ZCCHC14: variants seen among roughly 807,000 people sequenced by gnomAD.
ZCCHC14 encodes the protein zinc finger CCHC domain-containing protein 14.
ZCCHC14 carries 16 observed loss-of-function variants against 85.0 expected under a neutral mutation model. The ratio of observed to expected loss-of-function variants is 0.19; its 90% CI spans 0.13 to 0.29. ZCCHC14 has a LOEUF of 0.29. ZCCHC14 is among the 10% of genes least tolerant of loss of function. ZCCHC14 has a pLI of 1.00. For synonymous variants in ZCCHC14, 775 were observed against 630.7 expected (o/e 1.23, Z -3.43); for missense variants, 1,303 against 1,443.5 (o/e 0.90, Z 1.58).
rs907108009 is a variant in ZCCHC14 at position 87,468,027 on chromosome 16, G to A, written c.571-7896C>T. Among the ~76,000 whole-genome samples, 19 of 152,300 alleles carry A rather than the reference G, an allele frequency of 1.2e-4. 1 individual carries two copies. The highest frequency in any genetic ancestry group is 4.1e-4 in the South Asian group (2 of 4,834). On this transcript the variant is annotated intron_variant, in intron 1 of 12. Transcript: ENST00000671377. ...ACTGGGATTACAAGCGTGAGCCACC[G>A]CGCCTGGCCCAACGGTTTTTTCTAA...
chr16:87,492,351 C>A lies in ZCCHC14; in HGVS notation c.-113G>T, dbSNP rs898070362. The A allele has an allele frequency of 4.5e-6, 1 of 224,362 alleles. No individual in the cohort carries two copies. The highest frequency in any genetic ancestry group is 7.2e-6 in the Non-Finnish European group (1 of 138,788). The allele number at this position is 224,362 out of a possible 1,614,324, so 13.9% of individuals were successfully genotyped here. On this transcript the variant is annotated 5_prime_UTR_variant, in exon 1 of 13. Transcript: ENST00000671377. The surrounding 1 kb of genome is among the most constrained non-coding windows in gnomAD (Gnocchi z 6.7). Reference sequence around the variant, plus strand: ...GGGACCGGGGACGCGCGGGCCGGGGCCGGGTCCGGGCGAGGGCGCGCGGGC... The same window carrying A: ...GGGACCGGGGACGCGCGGGCCGGGGACGGGTCCGGGCGAGGGCGCGCGGGC...
intron 2 of ZCCHC14, among the ~76,000 whole-genome samples, chr16:87,459,038 G>A (rs1169651264): frequency 1.3e-5 from 2 of 152,182 alleles, no homozygotes; most frequent in East Asian, 3.9e-4. Flanking sequence ...CTATGGCATG[G>A]TTACCAACTT....
intron 1 of ZCCHC14, among the ~76,000 whole-genome samples, chr16:87,490,989 T>C (rs576854511): frequency 2.6e-3 from 395 of 152,370 alleles, no homozygotes; most frequent in African/African-American, 8.8e-3. Flanking sequence ...CCCAGCGCCT[T>C]GCAATGTTCA....
intron 1 of ZCCHC14, chr16:87,471,567 A>G (rs961816804): frequency 1.3e-5 from 2 of 152,336 alleles, no homozygotes; most frequent in Non-Finnish European, 2.9e-5. Flanking sequence ...GGCCTCCTCT[A>G]GGAACACCGG....
Position 87,492,868 on chromosome 16 carries a change from C to T in ZCCHC14, c.-630G>A, listed in dbSNP as rs889759550. 5.5e-4 allele frequency among the ~76,000 whole-genome samples: 81 copies of T among 148,434 alleles called. No individual in the cohort carries two copies. Among genetic ancestry groups the T allele is most frequent in the Non-Finnish European group, 9.9e-4 (66 of 66,580 alleles). ...GAGGGATCCGGCCGGGACTTGCCGG[C>T]CTTGCTGCTCCCGCGCGGCGGACGG... On this transcript the variant is annotated 5_prime_UTR_variant, in exon 1 of 13. Transcript: ENST00000671377. This position sits in a 1 kb window ranked among gnomAD's most constrained non-coding sequence, Gnocchi z 6.7.
chr16:87,439,361 C>T (rs548693247), intron 2 of ZCCHC14, among the ~76,000 whole-genome samples: 3 of 152,232 alleles, frequency 2.0e-5, no homozygotes, highest in African/African-American at 7.2e-5. Context: ...CCTCAATCTC[C>T]TGACCTTGTG....
rs758511893 is a variant in ZCCHC14, at chr16:87,412,465, G to A, written c.2256C>T (p.Val752=). 6.2e-6 allele frequency: 10 copies of A among 1,613,764 alleles called. No individual in the cohort carries two copies. The highest frequency in any genetic ancestry group is 1.6e-4 in the Middle Eastern group (1 of 6,084). The part of the protein sequence containing the change: ...VLKTAQQPAL[V]VETSTAATGT... Reference sequence around the variant, plus strand: ...CCGTGGCGGCCGTGCTGGTCTCCACGACCAGGGCCGGTTGCTGTGCTGTCT... The same window carrying A: ...CCGTGGCGGCCGTGCTGGTCTCCACAACCAGGGCCGGTTGCTGTGCTGTCT... The change falls in exon 12 of 13, where the codon GTC becomes GTT. Residue 752 remains valine, a synonymous_variant. Transcript: ENST00000671377.
At chr16:87,421,081 C>G (rs544828576) in intron 4 of ZCCHC14, among the ~76,000 whole-genome samples, 2 of 152,254 alleles carry the variant, frequency 1.3e-5, no homozygotes, top group East Asian at 1.9e-4. Context: ...TCTGGAGAGA[C>G]AGGTTCCGAT....
At chr16:87,460,890 C>G (rs11117274) in intron 1 of ZCCHC14, among the ~76,000 whole-genome samples, 127,044 of 152,232 alleles carry the variant, frequency 0.83, 53,526 homozygotes, top group African/African-American at 0.87. Flanking sequence ...GAATACAACT[C>G]GGTCTATTTG....
Position 87,417,653 on chromosome 16 carries a change from G to C in ZCCHC14, c.1190C>G (p.Pro397Arg). 5 of 1,613,510 alleles carry C rather than the reference G, an allele frequency of 3.1e-6. No individual in the cohort carries two copies. The highest frequency in any genetic ancestry group is 4.2e-6 in the Non-Finnish European group (5 of 1,179,702). The stretch of plus-strand genomic sequence containing the variant: ...CGCGCTGCCCGCATGGGAGCAGTGA[G>C]GCAAGGGGGCGGCGGAGCCGGCCGG... Reference protein sequence around the residue: ...QHPAGSAAPLPHCSHAGSAGS... With the variant: ...QHPAGSAAPLRHCSHAGSAGS... Residue 397 changes from proline (P) to arginine (R), a missense_variant, in exon 8 of 13, where the codon CCT (proline) becomes CGT (arginine). Coordinates refer to ENST00000671377, the MANE Select transcript of ZCCHC14 (RefSeq NM_015144.3).
chr16:87,446,897 C>T lies in ZCCHC14; in HGVS notation c.694+13111G>A, dbSNP rs147133009. 9.2e-5 allele frequency among the ~76,000 whole-genome samples: 14 copies of T among 152,026 alleles called. No homozygotes were observed. The East Asian group carries it at 2.3e-3, about 25-fold the overall frequency. The stretch of plus-strand genomic sequence containing the variant: ...GACGGGGGTTTCACCATGTTGGCCA[C>T]GCTGGTCTTGAACTCCTGACCTCAG... On this transcript the variant is annotated intron_variant, in intron 2 of 12. Coordinates refer to ENST00000671377, the MANE Select transcript of ZCCHC14 (RefSeq NM_015144.3).
chr16:87,444,548 T>C (rs924363349), intron 2 of ZCCHC14, among the ~76,000 whole-genome samples: 1 of 152,218 alleles, frequency 6.6e-6, no homozygotes, highest in African/African-American at 2.4e-5. Context: ...AAAATTAATA[T>C]AGTGACTGTC....
intron 1 of ZCCHC14, among the ~76,000 whole-genome samples, chr16:87,464,005 A>G (rs914623318): frequency 1.3e-5 from 2 of 152,162 alleles, no homozygotes; most frequent in Non-Finnish European, 2.9e-5. Context: ...TGCCTTGACA[A>G]CCAGCATCAG....
intron 2 of ZCCHC14, among the ~76,000 whole-genome samples, chr16:87,457,265 C>A (rs1005551805): frequency 2.0e-5 from 3 of 152,368 alleles, no homozygotes; most frequent in South Asian, 4.1e-4. Flanking sequence ...CTCATAGGCA[C>A]TGCCCACACA....
At chr16:87,427,127 T>C (rs1490323415) in intron 3 of ZCCHC14, among the ~76,000 whole-genome samples, 1 of 152,242 alleles carries the variant, frequency 6.6e-6, no homozygotes, top group Non-Finnish European at 1.5e-5. Flanking sequence ...GAAACAGTGT[T>C]GGATACTGGG....
chr16:87,483,790 C>T (rs1263372376), intron 1 of ZCCHC14, among the ~76,000 whole-genome samples: 1 of 152,180 alleles, frequency 6.6e-6, no homozygotes, highest in Admixed American at 6.5e-5. Flanking sequence ...AAGCACAGAC[C>T]ATTTGACCCA....
At chr16:87,479,331 G>C (rs566436445) in intron 1 of ZCCHC14, among the ~76,000 whole-genome samples, 2 of 151,198 alleles carry the variant, frequency 1.3e-5, no homozygotes, top group African/African-American at 4.9e-5. Flanking sequence ...CAGGAGAGTC[G>C]CTTGAACCCG....
rs180702324 is a variant in ZCCHC14 at position 87,481,033 on chromosome 16, C to T, written c.570+10636G>A. ...TGAAGCTCCTGCAGCATGCATTTGA[C>T]GAGGACCATTCCAATGACACAAGGG... On this transcript the variant is annotated intron_variant, in intron 1 of 12. Transcript: ENST00000671377. Among the ~76,000 whole-genome samples, 32 of 152,230 alleles carry T rather than the reference C, an allele frequency of 2.1e-4. No homozygotes were observed. In the East Asian group the frequency reaches 4.5e-3, roughly 21 times the overall value.
chr16:87,442,494 G>C (rs1444011253), intron 2 of ZCCHC14, among the ~76,000 whole-genome samples: 1 of 152,126 alleles, frequency 6.6e-6, no homozygotes, highest in Admixed American at 6.6e-5. Context: ...CAACAGGGAG[G>C]GGCAAACACT....
Sources: allele counts gnomAD v4.1 joint callset (sites outside exome capture counted in the v4.1 genomes callset), GRCh38; gene constraint gnomAD v4.1.1; non-coding constraint Gnocchi (gnomAD v3.1); transcripts MANE v1.5; gene names NCBI Gene and HGNC (gene_info 2026-07-23, HGNC 2026-07-21).